The following LMX1A variants were observed in gnomAD, a reference collection of about 807,000 sequenced individuals.
LMX1A encodes LIM homeobox transcription factor 1-alpha.
In LMX1A, 15 loss-of-function variants were observed where a neutral mutation model predicts 49.1. The observed-to-expected ratio is 0.31, with a 90% confidence interval of 0.20 to 0.47. The LOEUF (loss-of-function observed/expected upper bound fraction) is 0.47, where lower values mean the gene tolerates loss of function less well. LMX1A is among the 20% of genes least tolerant of loss of function. The probability of loss-of-function intolerance (pLI) is 1.00; values close to 1 mark genes in which losing one functional copy is unlikely to be tolerated. For missense variants in LMX1A, 372 were observed against 475.8 expected (o/e 0.78, Z 2.03); for synonymous variants, 167 against 185.7 (o/e 0.90, Z 0.82).
At chr1:165,292,366 C>T (rs1235666603) in intron 3 of LMX1A, among the ~76,000 whole-genome samples, 1 of 152,066 alleles carries the variant, frequency 6.6e-6, no homozygotes, top group Non-Finnish European at 1.5e-5. Flanking sequence ...GAGAACCACA[C>T]AGGTAAAAGC....
chr1:165,203,832 T>C lies in LMX1A; in HGVS notation c.*48A>G, dbSNP rs1650949162. The C allele has an allele frequency of 6.3e-7, 1 of 1,595,552 alleles. No homozygotes were observed. The highest frequency in any genetic ancestry group is 8.6e-7 in the Non-Finnish European group (1 of 1,164,444). On this transcript the variant is annotated 3_prime_UTR_variant, in exon 9 of 9. Transcript: ENST00000342310. ...CTAAAGCCAGTGACCCCTCAAAGAA[T>C]ATGGTTGTTCCATATGGGAGCCTAG...
Position 165,306,875 on chromosome 1 carries a change from C to T in LMX1A, c.263+46201G>A, listed in dbSNP as rs548913529. On this transcript the variant is annotated intron_variant, in intron 3 of 8. Transcript: ENST00000342310. Reference sequence around the variant, plus strand: ...TCCAGTCCTTGTTGAAAGCTGTGTGCGCCATACCACCCTCCTCCGCCTCCC... The same window carrying T: ...TCCAGTCCTTGTTGAAAGCTGTGTGTGCCATACCACCCTCCTCCGCCTCCC... Among the ~76,000 whole-genome samples, 56 of 152,306 alleles carry T rather than the reference C, an allele frequency of 3.7e-4. 1 individual carries two copies. The highest frequency in any genetic ancestry group is 1.2e-3 in the South Asian group (6 of 4,824).
intron 3 of LMX1A, among the ~76,000 whole-genome samples, chr1:165,275,443 G>C (rs1051473713): frequency 6.6e-6 from 1 of 152,188 alleles, no homozygotes; most frequent in Non-Finnish European, 1.5e-5. Context: ...AAATACCAAA[G>C]GCTATCACGC....
At chr1:165,327,887 C>T (rs1655633201) in intron 3 of LMX1A, among the ~76,000 whole-genome samples, 1 of 152,180 alleles carries the variant, frequency 6.6e-6, no homozygotes, top group Non-Finnish European at 1.5e-5. Flanking sequence ...AGGGCTTTAC[C>T]AGGGAATTCT....
intron 3 of LMX1A, among the ~76,000 whole-genome samples, chr1:165,318,377 G>T (rs1030286521): frequency 6.6e-6 from 1 of 152,218 alleles, no homozygotes; most frequent in East Asian, 1.9e-4. Flanking sequence ...GAACGGAGAG[G>T]TGACTTGTTC....
intron 3 of LMX1A, among the ~76,000 whole-genome samples, chr1:165,330,968 G>A (rs1406552181): frequency 1.3e-5 from 2 of 152,190 alleles, no homozygotes; most frequent in Non-Finnish European, 2.9e-5. Flanking sequence ...GCTCACCACA[G>A]GGAAGAAAGA....
chr1:165,227,369 C>T (rs1182565323), intron 4 of LMX1A, among the ~76,000 whole-genome samples: 1 of 152,086 alleles, frequency 6.6e-6, no homozygotes, highest in Non-Finnish European at 1.5e-5. Flanking sequence ...GAAACCCCAT[C>T]TCTACTAAAA....
chr1:165,353,376 C>G, intron 2 of LMX1A, 114 bp from the exon 3 acceptor site: 2 of 822,750 alleles, frequency 2.4e-6, no homozygotes, highest in East Asian at 2.7e-5. Flanking sequence ...CAGCGCCCCC[C>G]ACCCCAGGGA....
At chr1:165,328,041 T>A (rs1198478695) in intron 3 of LMX1A, among the ~76,000 whole-genome samples, 1 of 152,132 alleles carries the variant, frequency 6.6e-6, no homozygotes. Flanking sequence ...TTGAGACTAG[T>A]GGGGAAAGAA....
intron 3 of LMX1A, among the ~76,000 whole-genome samples, chr1:165,342,187 C>A (rs1015375909): frequency 6.6e-6 from 1 of 152,160 alleles, no homozygotes; most frequent in African/African-American, 2.4e-5. Context: ...AAGTAAAAAA[C>A]AAGAGGGATG....
chr1:165,274,865 T>C (rs74118541), intron 3 of LMX1A, among the ~76,000 whole-genome samples: 2,160 of 152,202 alleles, frequency 0.014, 55 homozygotes, highest in African/African-American at 0.048. Flanking sequence ...ATCTGTAAAA[T>C]GGAAATAATA....
At chr1:165,270,598 C>T (rs1378938489) in intron 3 of LMX1A, among the ~76,000 whole-genome samples, 1 of 152,096 alleles carries the variant, frequency 6.6e-6, no homozygotes, top group African/African-American at 2.4e-5. Context: ...ACCTCTTTGG[C>T]AGAGGGGAGT....
chr1:165,238,807 C>T (rs1208855433), intron 4 of LMX1A, among the ~76,000 whole-genome samples: 1 of 152,176 alleles, frequency 6.6e-6, no homozygotes, highest in Non-Finnish European at 1.5e-5. Context: ...GACCAGGCAA[C>T]ACAGCATAGT....
intron 3 of LMX1A, among the ~76,000 whole-genome samples, chr1:165,330,724 G>T (rs1655721906): frequency 6.6e-6 from 1 of 152,134 alleles, no homozygotes; most frequent in Non-Finnish European, 1.5e-5. Context: ...AAACTCAGAT[G>T]GAAAACCCAT....
In LMX1A at chr1:165,270,916, C is replaced by T. The variant is rs561642906; in HGVS notation, c.264-21276G>A. Among the ~76,000 whole-genome samples, 4 of 152,318 alleles carry T rather than the reference C, an allele frequency of 2.6e-5. No individual in the cohort carries two copies. In the South Asian group the frequency reaches 8.3e-4, roughly 32 times the overall value. ...CTGATGGTTTCAAACAACCCAGTGA[C>T]AATTTCCTCTTCCAACAGTGGAGCC... On this transcript the variant is annotated intron_variant, in intron 3 of 8. Coordinates refer to ENST00000342310, the MANE Select transcript of LMX1A (RefSeq NM_177398.4).
At chr1:165,351,250 T>C (rs1656418929) in intron 3 of LMX1A, among the ~76,000 whole-genome samples, 1 of 152,194 alleles carries the variant, frequency 6.6e-6, no homozygotes, top group Non-Finnish European at 1.5e-5. Context: ...GCTAGTGTTG[T>C]GCCTGAAGGA....
chr1:165,344,977 A>G (rs1342209690), intron 3 of LMX1A, among the ~76,000 whole-genome samples: 1 of 152,162 alleles, frequency 6.6e-6, no homozygotes, highest in Non-Finnish European at 1.5e-5. Flanking sequence ...ACAAAGACAT[A>G]TTCGGACCCT....
chr1:165,273,290 C>G (rs1653861874), intron 3 of LMX1A, among the ~76,000 whole-genome samples: 1 of 152,172 alleles, frequency 6.6e-6, no homozygotes, highest in African/African-American at 2.4e-5. Context: ...CAAGAAGTGA[C>G]TAGCATGTGT....
chr1:165,204,221 T>C (rs2102591548), intron 8 of LMX1A, among the ~76,000 whole-genome samples, 181 bp from the exon 9 acceptor site: 1 of 152,246 alleles, frequency 6.6e-6, no homozygotes, highest in East Asian at 1.9e-4. Flanking sequence ...GAAAACAATC[T>C]AAACCAGGAT....
Sources: allele counts gnomAD v4.1 joint callset (sites outside exome capture counted in the v4.1 genomes callset), GRCh38; gene constraint gnomAD v4.1.1; transcripts MANE v1.5; gene names NCBI Gene and HGNC (gene_info 2026-07-23, HGNC 2026-07-21).